The following MED7 variants were observed in gnomAD, a reference collection of about 807,000 sequenced individuals.
MED7 encodes mediator complex subunit 7.
Under a neutral mutation model 16.6 loss-of-function variants are expected in MED7, and 7 were observed. That is an observed-to-expected ratio of 0.42 (90% CI 0.24 to 0.79). MED7 has a LOEUF of 0.79. Among genes scored for constraint, MED7 ranks in the 30% least tolerant of loss-of-function variants. The pLI, the probability that MED7 is intolerant of heterozygous loss-of-function variation, is 0.27. For synonymous variants in MED7, 88 were observed against 90.5 expected (o/e 0.97, Z 0.16); for missense variants, 240 against 286.3 (o/e 0.84, Z 1.17).
intron 1 of MED7, among the ~76,000 whole-genome samples, chr5:157,141,675 GCCT>G (rs1757726951): frequency 6.6e-6 from 1 of 152,062 alleles, no homozygotes; most frequent in Admixed American, 6.6e-5. Context: ...TGCAACCTCT[GCCT>G]CCCGGGTTCA....
In MED7 at chr5:157,137,860, T is replaced by G. The variant is rs2113710286; in HGVS notation, c.*870A>C. The G allele has an allele frequency of 6.6e-6, 1 of 152,330 alleles. No individual in the cohort carries two copies. The highest frequency in any genetic ancestry group is 3.4e-3 in the Middle Eastern group (1 of 294). 9.4% of individuals were successfully genotyped at this position (152,330 alleles called of 1,614,324 possible). A position where few individuals can be genotyped will look rare whatever the true frequency, so the allele number is the denominator to read the frequency against. ...AAGCCTGGATTCCTATGCCCACATT[T>G]CACCGCCTACGACTTAGTCATATGT... is the stretch of plus-strand genomic sequence containing the variant. On this transcript the variant is annotated 3_prime_UTR_variant, in exon 2 of 2. Transcript: ENST00000286317.
chr5:157,138,706 GA>G lies in MED7; in HGVS notation c.*23del. On this transcript the variant is annotated 3_prime_UTR_variant, in exon 2 of 2. Coordinates refer to ENST00000286317, the MANE Select transcript of MED7 (RefSeq NM_004270.5). Reference sequence around the variant, plus strand: ...TAATATATGATGCTATTATCAAAAGGAAAAAAAGAAAAAGAAACATCTTTCA... The same window carrying G: ...TAATATATGATGCTATTATCAAAAGGAAAAAAGAAAAAGAAACATCTTTCA... 6.5e-7 allele frequency: 1 copy of G among 1,537,292 alleles called. No individual in the cohort carries two copies.
At chr5:157,139,797 G>T (rs906559133) in intron 1 of MED7, among the ~76,000 whole-genome samples, 1 of 151,716 alleles carries the variant, frequency 6.6e-6, no homozygotes, top group African/African-American at 2.4e-5. Context: ...TACACAGGCT[G>T]TCTCCCAATC....
chr5:157,142,038 C>T (rs1230567631), intron 1 of MED7, among the ~76,000 whole-genome samples: 1 of 152,208 alleles, frequency 6.6e-6, no homozygotes, highest in African/African-American at 2.4e-5. Context: ...GGCAAGCTCT[C>T]TTATATCCCT....
chr5:157,142,020 C>T (rs1340496031), intron 1 of MED7, among the ~76,000 whole-genome samples: 1 of 152,234 alleles, frequency 6.6e-6, no homozygotes, highest in Non-Finnish European at 1.5e-5. Context: ...GTCCCTTTAG[C>T]TCCAAAGGGC....
rs1388666955 is a variant in MED7 at position 157,138,568 on chromosome 5, T to C, written c.*162A>G. 1.7e-5 allele frequency: 10 copies of C among 603,088 alleles called. No individual in the cohort carries two copies. Among genetic ancestry groups the C allele is most frequent in the South Asian group, 1.4e-4 (6 of 44,434 alleles). 37.4% of individuals were successfully genotyped at this position (603,088 alleles called of 1,614,324 possible). On this transcript the variant is annotated 3_prime_UTR_variant, in exon 2 of 2. Transcript: ENST00000286317. ...GACACTCATTTGTCTATGCTTGTTA[T>C]ACAGCGAAATTACTGCCTATGACAT...
chr5:157,141,413 C>A (rs1757722241), intron 1 of MED7, among the ~76,000 whole-genome samples: 1 of 151,972 alleles, frequency 6.6e-6, no homozygotes, highest in African/African-American at 2.4e-5. Context: ...ACGTTTCATC[C>A]CACTCAAACC....
At chr5:157,140,688 C>T (rs1268827239) in intron 1 of MED7, among the ~76,000 whole-genome samples, 4 of 152,088 alleles carry the variant, frequency 2.6e-5, no homozygotes, top group Admixed American at 2.6e-4. Context: ...GGACTACAGG[C>T]ATGTCACCAA....
intron 1 of MED7, among the ~76,000 whole-genome samples, chr5:157,140,883 G>A (rs1411952607): frequency 6.6e-6 from 1 of 152,088 alleles, no homozygotes; most frequent in East Asian, 1.9e-4. Context: ...CAGAAAAAGT[G>A]CATGAATACA....
Position 157,138,917 on chromosome 5 carries a change from G to C in MED7, c.515C>G (p.Pro172Arg). 1 of 1,614,110 alleles carries C rather than the reference G, an allele frequency of 6.2e-7. No individual in the cohort carries two copies. Among genetic ancestry groups the C allele is most frequent in the South Asian group, 1.1e-5 (1 of 91,078 alleles). The change falls in exon 2 of 2, where the codon CCT becomes CGT. Residue 172 changes from proline (P) to arginine (R), a missense_variant. Physicochemically the swap from Pro to Arg is moderately radical, Grantham distance 103. Coordinates refer to ENST00000286317, the MANE Select transcript of MED7 (RefSeq NM_004270.5). ...EMIQNCLASL[P>R]DDLPHSEAGM... ...TGCTTCTGAATGAGGCAAATCATCA[G>C]GCAAAGAAGCCAAGCAATTCTGAAT...
rs771151158 is a variant in MED7 at position 157,138,593 on chromosome 5, T to G, written c.*137A>C. On this transcript the variant is annotated 3_prime_UTR_variant, in exon 2 of 2. Transcript: ENST00000286317. ...TACAGCGAAATTACTGCCTATGACA[T>G]CTCATAATTGAAAAATTTGGAGTCA... 1.5e-6 allele frequency: 1 copy of G among 686,600 alleles called. No individual in the cohort carries two copies. Among genetic ancestry groups the G allele is most frequent in the African/African-American group, 1.8e-5 (1 of 55,572 alleles). The allele number at this position is 686,600 out of a possible 1,614,324, so 42.5% of individuals were successfully genotyped here.
At chr5:157,142,080 A>T (rs1007779644) in intron 1 of MED7, among the ~76,000 whole-genome samples, 1 of 152,180 alleles carries the variant, frequency 6.6e-6, no homozygotes, top group African/African-American at 2.4e-5. Context: ...TACAATAAGG[A>T]CTGGCATATC....
Position 157,139,263 on chromosome 5 carries a change from G to T in MED7, c.169C>A (p.Arg57Ser). The change falls in exon 2 of 2, where the codon CGC (arginine) becomes AGC (serine). Residue 57 changes from arginine (R) to serine (S), a missense_variant. Transcript: ENST00000286317. Reference sequence around the variant, plus strand: ...TCGATGCCCTGACTTTCCAAAGGGCGGATGATAAGATCATCACATTGGAAC... The same window carrying T: ...TCGATGCCCTGACTTTCCAAAGGGCTGATGATAAGATCATCACATTGGAAC... ...NQFQCDDLII[R>S]PLESQGIERL... The T allele has an allele frequency of 6.2e-7, 1 of 1,614,086 alleles. No homozygotes were observed. Among genetic ancestry groups the T allele is most frequent in the South Asian group, 1.1e-5 (1 of 91,044 alleles).
At chr5:157,142,689 C>G (rs1757745863) in intron 1 of MED7, 131 bp downstream of exon 1, 1 of 152,416 alleles carries the variant, frequency 6.6e-6, no homozygotes, top group Non-Finnish European at 1.5e-5. Context: ...GAGAGAAAGA[C>G]GAAAGACCGC....
rs748521096 is a variant in MED7, at chr5:157,139,217, A to G, written c.215T>C (p.Phe72Ser). Residue 72 changes from phenylalanine to serine, a missense_variant, in exon 2 of 2, where the codon TTT becomes TCT. By Grantham distance (155) the Phe-to-Ser change is radical (BLOSUM62 -2). Coordinates refer to ENST00000286317, the MANE Select transcript of MED7 (RefSeq NM_004270.5). ...QGIERLHPMQFDHKKELRKLN... is the reference protein window; with the variant it reads ...QGIERLHPMQSDHKKELRKLN... ...TTTTCTCAGTTCTTTCTTGTGATCA[A>G]ACTGCATAGGATGAAGCCGTTCGAT... 1 of 1,612,866 alleles carries G rather than the reference A, an allele frequency of 6.2e-7. No individual in the cohort carries two copies.
chr5:157,142,072 C>G (rs1277056858), intron 1 of MED7, among the ~76,000 whole-genome samples: 1 of 152,186 alleles, frequency 6.6e-6, no homozygotes, highest in Non-Finnish European at 1.5e-5. Flanking sequence ...TCTAACTGTA[C>G]AATAAGGACT....
rs1416834401 is a variant in MED7, at chr5:157,138,877, T to C, written c.555A>G (p.Lys185=). 3 of 1,614,062 alleles carry C rather than the reference T, an allele frequency of 1.9e-6. No homozygotes were observed. The highest frequency in any genetic ancestry group is 1.7e-6 in the Non-Finnish European group (2 of 1,180,050). ...LPHSEAGMRV[K]TEPMDADDSN... ...TATCATCAGCATCCATTGGTTCAGT[T>C]TTTACTCTCATTCCTGCTTCTGAAT... Residue 185 remains lysine (K), a synonymous_variant, in exon 2 of 2, where the codon AAA becomes AAG. Transcript: ENST00000286317.
Position 157,138,503 on chromosome 5 carries a change from C to T in MED7, c.*227G>A. ...ATAGGAATGTCCCATACAACAGCAG[C>T]TAACACTTTGCTTTTTAAAGTGATT... is the stretch of plus-strand genomic sequence containing the variant. On this transcript the variant is annotated 3_prime_UTR_variant, in exon 2 of 2. Transcript: ENST00000286317. The T allele has an allele frequency of 2.2e-6, 1 of 455,486 alleles. No individual in the cohort carries two copies. Among genetic ancestry groups the T allele is most frequent in the Non-Finnish European group, 3.8e-6 (1 of 259,742 alleles). The allele number at this position is 455,486 out of a possible 1,614,324, so 28.2% of individuals were successfully genotyped here.
intron 1 of MED7, among the ~76,000 whole-genome samples, chr5:157,141,792 T>C (rs1377900537): frequency 6.6e-6 from 1 of 152,004 alleles, no homozygotes; most frequent in African/African-American, 2.4e-5. Flanking sequence ...GTTTTCACCA[T>C]GTTGGCCAGG....
Sources: allele counts gnomAD v4.1 joint callset (sites outside exome capture counted in the v4.1 genomes callset), GRCh38; gene constraint gnomAD v4.1.1; transcripts MANE v1.5; gene names NCBI Gene and HGNC (gene_info 2026-07-23, HGNC 2026-07-21).